Variants in GRIK5 observed in about 807,000 individuals in gnomAD.
GRIK5 encodes the protein glutamate ionotropic receptor kainate type subunit 5.
In GRIK5, 43 loss-of-function variants were observed where a neutral mutation model predicts 97.4. That is an observed-to-expected ratio of 0.44 (90% CI 0.35 to 0.57). The LOEUF is 0.57. Ranked by LOEUF, GRIK5 falls within the 20% of genes least tolerant of loss-of-function variation. The pLI, the probability that GRIK5 is intolerant of heterozygous loss-of-function variation, is 0.01. For synonymous variants in GRIK5, 580 were observed against 583.5 expected (o/e 0.99, Z 0.09); for missense variants, 1,015 against 1,382.0 (o/e 0.73, Z 4.21).
At chr19:42,038,960 C>T (rs748871442) in intron 12 of GRIK5, among the ~76,000 whole-genome samples, 1 of 152,116 alleles carries the variant, frequency 6.6e-6, no homozygotes, top group Non-Finnish European at 1.5e-5. Flanking sequence ...CCCAGATGCC[C>T]AAGCCAGACA....
Position 42,022,600 on chromosome 19 carries a change from T to C in GRIK5, c.1474-246A>G. On this transcript the variant is annotated intron_variant, in intron 12 of 19. Coordinates refer to ENST00000593562, the MANE Select transcript of GRIK5 (RefSeq NM_002088.5). The surrounding 1 kb of genome is among the most constrained non-coding windows in gnomAD (Gnocchi z 4.2). ...ACACACTGACTCCGTCCCCTAGGCC[T>C]CAACTGTGTCCCAGCATCAAGGGCT... 1 of 984,888 alleles carries C rather than the reference T, an allele frequency of 1.0e-6. No individual in the cohort carries two copies. The allele number at this position is 984,888 out of a possible 1,614,324, so 61.0% of individuals were successfully genotyped here. A position where few individuals can be genotyped will look rare whatever the true frequency, so the allele number is the denominator to read the frequency against.
intron 17 of GRIK5, among the ~76,000 whole-genome samples, chr19:42,005,455 C>T (rs1310714184): frequency 6.6e-6 from 1 of 152,188 alleles, no homozygotes; most frequent in African/African-American, 2.4e-5. Context: ...GCAAGCCCCA[C>T]CACCCACATA....
At chr19:42,036,147 C>T (rs1599796143) in intron 12 of GRIK5, among the ~76,000 whole-genome samples, 1 of 152,060 alleles carries the variant, frequency 6.6e-6, no homozygotes, top group South Asian at 2.1e-4. Context: ...GTAACCTTCG[C>T]CTCCCAGGTT....
chr19:42,052,529 C>T (rs1018425223), intron 11 of GRIK5, among the ~76,000 whole-genome samples: 1 of 152,204 alleles, frequency 6.6e-6, no homozygotes, highest in African/African-American at 2.4e-5. Context: ...GGGAACTGCT[C>T]TGCGACTCAC....
rs901946918 is a variant in GRIK5 at position 42,055,966 on chromosome 19, A to G, written c.903+696T>C. ...CCAAAGTGCTGGGATTACAAGTATA[A>G]GCCACCATGCCTGGCCAATTTACTT... On this transcript the variant is annotated intron_variant, in intron 8 of 19. Transcript: ENST00000593562. 2.0e-4 allele frequency among the ~76,000 whole-genome samples: 30 copies of G among 149,706 alleles called. 1 individual carries two copies. Among genetic ancestry groups the G allele is most frequent in the Non-Finnish European group, 3.2e-4 (22 of 67,720 alleles).
chr19:42,005,431 C>G (rs2075477209), intron 17 of GRIK5, among the ~76,000 whole-genome samples: 1 of 152,138 alleles, frequency 6.6e-6, no homozygotes, highest in Non-Finnish European at 1.5e-5. Context: ...CCACAGGGCC[C>G]TTGGGGGAAG....
chr19:42,060,236 T>C (rs1390376169), intron 5 of GRIK5, among the ~76,000 whole-genome samples: 1 of 149,430 alleles, frequency 6.7e-6, no homozygotes, highest in African/African-American at 2.5e-5. Context: ...TGAGAAGCCA[T>C]CTCTTTAAAA....
intron 12 of GRIK5, among the ~76,000 whole-genome samples, chr19:42,030,037 A>G (rs1341565159): frequency 6.6e-6 from 1 of 152,170 alleles, no homozygotes; most frequent in Non-Finnish European, 1.5e-5. Flanking sequence ...TGCTACTGCC[A>G]TGACCTCTTA....
Position 42,002,619 on chromosome 19 carries a change from G to C in GRIK5, c.2514+713C>G, listed in dbSNP as rs535750788. 1.6e-6 allele frequency: 1 copy of C among 626,766 alleles called. No individual in the cohort carries two copies. The highest frequency in any genetic ancestry group is 2.9e-6 in the Non-Finnish European group (1 of 344,166). The allele number at this position is 626,766 out of a possible 1,614,324, so 38.8% of individuals were successfully genotyped here. On this transcript the variant is annotated intron_variant, in intron 19 of 19. Transcript: ENST00000593562. The surrounding 1 kb of genome is among the most constrained non-coding windows in gnomAD (Gnocchi z 5.2). Reference sequence around the variant, plus strand: ...AAGGGCTGGAGGCTGACAGAGAGAGGGGAAGCAGGGAACCAGCAGTCCAGG... The same window carrying C: ...AAGGGCTGGAGGCTGACAGAGAGAGCGGAAGCAGGGAACCAGCAGTCCAGG...
At chr19:42,058,565 C>G (rs1169244913) in intron 6 of GRIK5, among the ~76,000 whole-genome samples, 1 of 148,996 alleles carries the variant, frequency 6.7e-6, no homozygotes, top group African/African-American at 2.5e-5. Flanking sequence ...TGGTGGCTCA[C>G]GCCTGTAATT....
chr19:42,008,664 G>A (rs2075523156), intron 15 of GRIK5, among the ~76,000 whole-genome samples: 1 of 152,096 alleles, frequency 6.6e-6, no homozygotes. Context: ...GCAGGAAAAT[G>A]TGACCTATAA....
chr19:42,067,285 T>A (rs2076347735), intron 1 of GRIK5, among the ~76,000 whole-genome samples: 1 of 152,198 alleles, frequency 6.6e-6, no homozygotes, highest in Admixed American at 6.5e-5. Context: ...CTTCTCACCA[T>A]CTCAAGTGGC....
At chr19:42,018,131 G>T (rs1476593643) in intron 15 of GRIK5, among the ~76,000 whole-genome samples, 2 of 132,118 alleles carry the variant, frequency 1.5e-5, no homozygotes, top group African/African-American at 5.8e-5. Context: ...GGCTAACATG[G>T]TGAAACCCCA....
In GRIK5 at chr19:42,062,069, T is replaced by C. The variant is rs998497719; in HGVS notation, c.508+419A>G. 6.6e-6 allele frequency among the ~76,000 whole-genome samples: 1 copy of C among 152,146 alleles called. No homozygotes were observed. Among genetic ancestry groups the C allele is most frequent in the African/African-American group, 2.4e-5 (1 of 41,454 alleles). On this transcript the variant is annotated intron_variant, in intron 5 of 19. Transcript: ENST00000593562. The surrounding 1 kb of genome is among the most constrained non-coding windows in gnomAD (Gnocchi z 5.3). Reference sequence around the variant, plus strand: ...ACCCTTCAGGTTCAGCTTGGATGTCTCTTTCTCATAGACACAGGCTCTGAA... The same window carrying C: ...ACCCTTCAGGTTCAGCTTGGATGTCCCTTTCTCATAGACACAGGCTCTGAA...
At position 42,003,196 on chromosome 19, in the gene GRIK5, C is replaced by T; in HGVS notation, c.2514+136G>A. 3.9e-6 allele frequency: 3 copies of T among 761,208 alleles called. No homozygotes were observed. In the South Asian group the frequency reaches 5.2e-5, roughly 13 times the overall value. 47.2% of individuals were successfully genotyped at this position (761,208 alleles called of 1,614,324 possible). A position where few individuals can be genotyped will look rare whatever the true frequency, so the allele number is the denominator to read the frequency against. On this transcript the variant is annotated intron_variant, in intron 19 of 19. Coordinates refer to ENST00000593562, the MANE Select transcript of GRIK5 (RefSeq NM_002088.5). This position sits in a 1 kb window ranked among gnomAD's most constrained non-coding sequence, Gnocchi z 4.2. ...TGGCCCCATCAGCTCTCTTACTTCC[C>T]CACCTCCTGCATTCCTCTGCCCCCT...
chr19:42,045,476 C>T (rs1446475994), intron 11 of GRIK5, among the ~76,000 whole-genome samples: 1 of 152,204 alleles, frequency 6.6e-6, no homozygotes, highest in Non-Finnish European at 1.5e-5. Flanking sequence ...AGCCAAAGAA[C>T]CACTAAGTTG....
At chr19:42,035,990 AAT>A (rs1412671910) in intron 12 of GRIK5, among the ~76,000 whole-genome samples, 2 of 152,358 alleles carry the variant, frequency 1.3e-5, no homozygotes, top group African/African-American at 4.8e-5. Flanking sequence ...ACTTAATACA[AAT>A]ATGTTTTATA....
In GRIK5 at chr19:42,065,637, C is replaced by T; in HGVS notation, c.79+55G>A. ...CCTGACGGACTGGCATGCCTGGGTC[C>T]CCAGAGGAGCCCCAGGGCCTGAGGA... On this transcript the variant is annotated intron_variant, in intron 2 of 19. Transcript: ENST00000593562. The surrounding 1 kb of genome is among the most constrained non-coding windows in gnomAD (Gnocchi z 5.8). The T allele has an allele frequency of 7.2e-7, 1 of 1,397,098 alleles. No individual in the cohort carries two copies. Among genetic ancestry groups the T allele is most frequent in the Non-Finnish European group, 9.8e-7 (1 of 1,021,448 alleles). The allele number at this position is 1,397,098 out of a possible 1,614,324, so 86.5% of individuals were successfully genotyped here.
chr19:42,005,700 T>C, intron 17 of GRIK5, 23 bp downstream of exon 17: 1 of 1,560,860 alleles, frequency 6.4e-7, no homozygotes, highest in Non-Finnish European at 8.8e-7. Flanking sequence ...CCCTGCTGTG[T>C]TCCACACCGT....
Sources: gnomAD v4.1 joint callset for allele counts (sites outside exome capture counted in the v4.1 genomes callset) on GRCh38, gnomAD v4.1.1 for gene constraint, Gnocchi (gnomAD v3.1) non-coding constraint, MANE v1.5 for transcripts, NCBI Gene and HGNC (gene_info 2026-07-23, HGNC 2026-07-21) for gene names.